Variants in SEPTIN9 observed in about 807,000 individuals in gnomAD.
SEPTIN9 encodes the protein septin-9.
SEPTIN9 carries 13 observed loss-of-function variants against 56.6 expected under a neutral mutation model. The observed-to-expected ratio is 0.23, with a 90% confidence interval of 0.15 to 0.37. The LOEUF is 0.37. SEPTIN9 is among the 10% of genes least tolerant of loss of function. The pLI is 1.00. For missense variants in SEPTIN9, 650 were observed against 823.1 expected (o/e 0.79, Z 2.57); for synonymous variants, 332 against 334.1 (o/e 0.99, Z 0.07).
intron 3 of SEPTIN9, among the ~76,000 whole-genome samples, chr17:77,412,910 C>T (rs2036354783): frequency 6.6e-6 from 1 of 152,072 alleles, no homozygotes; most frequent in Admixed American, 6.6e-5. Context: ...AGGTCTCCTG[C>T]GTTCTGAAAT....
chr17:77,461,407 A>T (rs1019465225), intron 3 of SEPTIN9, among the ~76,000 whole-genome samples: 23 of 152,192 alleles, frequency 1.5e-4, no homozygotes, highest in Admixed American at 1.2e-3. Context: ...AGAAGGTACC[A>T]GGCTGAGGAC....
intron 1 of SEPTIN9, among the ~76,000 whole-genome samples, chr17:77,290,429 T>C (rs2031489058): frequency 6.6e-6 from 1 of 151,818 alleles, no homozygotes; most frequent in South Asian, 2.1e-4. Context: ...GGCTAATTTT[T>C]TGTATTTTTT....
intron 1 of SEPTIN9, among the ~76,000 whole-genome samples, chr17:77,302,609 T>A (rs899276782): frequency 6.6e-6 from 1 of 151,802 alleles, no homozygotes; most frequent in Non-Finnish European, 1.5e-5. Flanking sequence ...ACCTGGGAGG[T>A]AGAGGTTGCA....
intron 2 of SEPTIN9, among the ~76,000 whole-genome samples, chr17:77,384,478 G>C (rs1472696022): frequency 6.6e-6 from 1 of 151,820 alleles, no homozygotes; most frequent in Non-Finnish European, 1.5e-5. Flanking sequence ...AGCAGCCTCC[G>C]AATGGAGGCT....
intron 3 of SEPTIN9, among the ~76,000 whole-genome samples, chr17:77,419,166 G>A (rs976663700): frequency 4.6e-5 from 7 of 152,240 alleles, no homozygotes; most frequent in Admixed American, 3.3e-4. Flanking sequence ...GGAGGGAGAA[G>A]GCCGCTGTTT....
At chr17:77,377,606 C>A (rs1261783443) in intron 2 of SEPTIN9, among the ~76,000 whole-genome samples, 1 of 152,128 alleles carries the variant, frequency 6.6e-6, no homozygotes, top group African/African-American at 2.4e-5. Context: ...ACCCCCAGAT[C>A]TGTGTTCTGG....
chr17:77,339,284 C>G (rs2033652311), intron 2 of SEPTIN9, among the ~76,000 whole-genome samples: 1 of 152,158 alleles, frequency 6.6e-6, no homozygotes, highest in Non-Finnish European at 1.5e-5. Flanking sequence ...AGAGGAATCA[C>G]TAACTATGGC....
intron 2 of SEPTIN9, among the ~76,000 whole-genome samples, chr17:77,377,858 C>G (rs921957299): frequency 1.3e-5 from 2 of 152,204 alleles, no homozygotes; most frequent in Non-Finnish European, 2.9e-5. Context: ...CTCAAGGCAT[C>G]CTGTGAATAC....
At chr17:77,344,966 C>A (rs2033843187) in intron 2 of SEPTIN9, among the ~76,000 whole-genome samples, 2 of 90,662 alleles carry the variant, frequency 2.2e-5, no homozygotes, top group East Asian at 3.3e-4. Context: ...AGCAAGACTG[C>A]CTCAAAAAAA....
intron 2 of SEPTIN9, among the ~76,000 whole-genome samples, chr17:77,346,803 G>A (rs1040255823): frequency 3.3e-5 from 5 of 152,152 alleles, no homozygotes; most frequent in Non-Finnish European, 7.3e-5. Context: ...ATATGTTGGA[G>A]CTTAATCTCT....
chr17:77,454,414 A>G, intron 3 of SEPTIN9: 1 of 976,922 alleles, frequency 1.0e-6, no homozygotes, highest in Non-Finnish European at 1.2e-6. Flanking sequence ...CTTTCCCAGG[A>G]GGGCTCCCGA....
intron 10 of SEPTIN9, among the ~76,000 whole-genome samples, chr17:77,494,067 G>A (rs956253823): frequency 4.6e-5 from 7 of 151,510 alleles, no homozygotes; most frequent in Non-Finnish European, 1.0e-4. Context: ...ATGAGCCACC[G>A]AGCCTGCCCT....
At position 77,435,741 on chromosome 17, in the gene SEPTIN9, C is replaced by T. The variant is rs1039580797; in HGVS notation, c.721+33038C>T. Among the ~76,000 whole-genome samples, 19 of 152,236 alleles carry T rather than the reference C, an allele frequency of 1.2e-4. No individual in the cohort carries two copies. Among genetic ancestry groups the T allele is most frequent in the African/African-American group, 4.6e-4 (19 of 41,454 alleles). ...GCCTTTGGCTGGCATCTCACCTCCT[C>T]CTGGCTGTCCTGCAGCCACCTGAGG... On this transcript the variant is annotated intron_variant, in intron 3 of 11. Transcript: ENST00000427177. This position sits in a 1 kb window ranked among gnomAD's most constrained non-coding sequence, Gnocchi z 4.5.
Position 77,421,510 on chromosome 17 carries a change from G to A in SEPTIN9, c.721+18807G>A, listed in dbSNP as rs1327905982. 2.0e-5 allele frequency among the ~76,000 whole-genome samples: 3 copies of A among 152,172 alleles called. No homozygotes were observed. The highest frequency in any genetic ancestry group is 4.8e-5 in the African/African-American group (2 of 41,442). On this transcript the variant is annotated intron_variant, in intron 3 of 11. Transcript: ENST00000427177. This position sits in a 1 kb window ranked among gnomAD's most constrained non-coding sequence, Gnocchi z 4.6. Reference sequence around the variant, plus strand: ...GAGATGAGGGCTCCAGGTTGGCTCCGGCAAGAGCAGGGAGGCTCACGTCTC... The same window carrying A: ...GAGATGAGGGCTCCAGGTTGGCTCCAGCAAGAGCAGGGAGGCTCACGTCTC...
intron 1 of SEPTIN9, chr17:77,288,130 C>T (rs2031359501): frequency 3.8e-6 from 4 of 1,063,250 alleles, no homozygotes; most frequent in Non-Finnish European, 4.6e-6. Flanking sequence ...CTACCCCACC[C>T]CGGCCTGGGG....
At chr17:77,288,326 G>A in intron 1 of SEPTIN9, 1 of 609,276 alleles carries the variant, frequency 1.6e-6, no homozygotes, top group Non-Finnish European at 2.1e-6. Context: ...GGAACCAGGG[G>A]TTGGGCCCCG....
At chr17:77,296,934 T>A (rs2031844634) in intron 1 of SEPTIN9, among the ~76,000 whole-genome samples, 1 of 151,884 alleles carries the variant, frequency 6.6e-6, no homozygotes, top group Non-Finnish European at 1.5e-5. Flanking sequence ...AGATAATTGA[T>A]AAATAGATAT....
chr17:77,393,260 A>G (rs2035602882), intron 2 of SEPTIN9, among the ~76,000 whole-genome samples: 1 of 152,184 alleles, frequency 6.6e-6, no homozygotes, highest in African/African-American at 2.4e-5. Flanking sequence ...CCGTGCCCCC[A>G]GCCTTGTCCC....
At position 77,455,907 on chromosome 17, in the gene SEPTIN9, G is replaced by T. The variant is rs187126469; in HGVS notation, c.722-26237G>T. Among the ~76,000 whole-genome samples the T allele has an allele frequency of 3.2e-3, 485 of 152,302 alleles. 1 individual carries two copies. The highest frequency in any genetic ancestry group is 5.8e-3 in the Non-Finnish European group (393 of 68,018). On this transcript the variant is annotated intron_variant, in intron 3 of 11. Transcript: ENST00000427177. ...TGCACGCTCCGCACAAGGTCTCCTTGGGGGGTTTTTCAGAAAAAGGGCCAA... is the reference window on the plus strand; with the variant it reads ...TGCACGCTCCGCACAAGGTCTCCTTTGGGGGTTTTTCAGAAAAAGGGCCAA...
Sources: allele counts gnomAD v4.1 joint callset (sites outside exome capture counted in the v4.1 genomes callset), GRCh38; gene constraint gnomAD v4.1.1; non-coding constraint Gnocchi (gnomAD v3.1); transcripts MANE v1.5; gene names NCBI Gene and HGNC (gene_info 2026-07-23, HGNC 2026-07-21).